The following CECR2 variants were observed in gnomAD, a reference collection of about 807,000 sequenced individuals.
CECR2 encodes the protein chromatin remodeling regulator CECR2.
A neutral mutation model predicts 154.5 loss-of-function variants in CECR2; 30 were observed. The observed-to-expected ratio is 0.19, with a 90% CI of 0.15 to 0.26. The LOEUF (loss-of-function observed/expected upper bound fraction) is 0.26, where lower values mean the gene tolerates loss of function less well. Ranked by LOEUF, CECR2 falls within the 10% of genes least tolerant of loss-of-function variation. The pLI is 1.00. For synonymous variants in CECR2, 725 were observed against 683.7 expected (o/e 1.06, Z -0.94); for missense variants, 1,743 against 1,829.3 (o/e 0.95, Z 0.86).
At chr22:17,490,591 C>T (rs1473378403) in intron 2 of CECR2, among the ~76,000 whole-genome samples, 4 of 151,808 alleles carry the variant, frequency 2.6e-5, no homozygotes, top group Non-Finnish European at 5.9e-5. Flanking sequence ...CATGCCACCA[C>T]GCCCGGCTAA....
chr22:17,398,549 G>C (rs78905396), intron 1 of CECR2, among the ~76,000 whole-genome samples: 4 of 152,340 alleles, frequency 2.6e-5, no homozygotes, highest in Middle Eastern at 3.4e-3. Flanking sequence ...GAAGAATGCA[G>C]ATTCTGGAGC....
intron 1 of CECR2, among the ~76,000 whole-genome samples, chr22:17,384,921 T>A (rs1427927658): frequency 6.6e-6 from 1 of 152,252 alleles, no homozygotes; most frequent in Non-Finnish European, 1.5e-5. Context: ...TAGCTAGATC[T>A]TCTGGATAAC....
At position 17,540,547 on chromosome 22, in the gene CECR2, G is replaced by A. The variant is rs754907211; in HGVS notation, c.1631G>A (p.Arg544Gln). 44 of 1,612,576 alleles carry A rather than the reference G, an allele frequency of 2.7e-5. No individual in the cohort carries two copies. The highest frequency in any genetic ancestry group is 3.6e-5 in the Non-Finnish European group (42 of 1,179,074). Residue 544 changes from arginine to glutamine, a missense_variant, in exon 14 of 19, where the codon CGG becomes CAG. Arg to Gln is a conservative substitution (Grantham distance 43). This residue lies in a region of CECR2 where 103 missense variants were observed against 166.8 expected (regional missense o/e 0.62). Coordinates refer to ENST00000262608, the MANE Select transcript of CECR2 (RefSeq NM_001290047.2). Reference sequence around the variant, plus strand: ...GAAAAGCGGGAGAAAAGACGGAGTCGGGCTGGGCGAAGTGGTGGGAGCCAT... The same window carrying A: ...GAAAAGCGGGAGAAAAGACGGAGTCAGGCTGGGCGAAGTGGTGGGAGCCAT... ...EDEKREKRRS[R>Q]AGRSGGSHVW...
chr22:17,501,450 C>T (rs1294292766), intron 5 of CECR2, among the ~76,000 whole-genome samples: 1 of 151,778 alleles, frequency 6.6e-6, no homozygotes, highest in Non-Finnish European at 1.5e-5. Context: ...CCCAGCTACT[C>T]GGGAGGCTGA....
chr22:17,500,593 C>T (rs1353495803), intron 4 of CECR2, 38 bp from the exon 5 acceptor site: 4 of 1,398,516 alleles, frequency 2.9e-6, no homozygotes, highest in Non-Finnish European at 3.9e-6. Flanking sequence ...CAATGCCAAT[C>T]CTGTGCCAGA....
chr22:17,511,749 A>G, intron 7 of CECR2, 64 bp from the exon 8 acceptor site: 1 of 1,373,894 alleles, frequency 7.3e-7, no homozygotes, highest in Non-Finnish European at 1.0e-6. Context: ...CAGCAGCAGC[A>G]GCATCAGTAG....
intron 1 of CECR2, among the ~76,000 whole-genome samples, chr22:17,397,196 G>A (rs2053824512): frequency 6.6e-6 from 1 of 152,004 alleles, no homozygotes; most frequent in Non-Finnish European, 1.5e-5. Flanking sequence ...GGTTGCAGTG[G>A]CGTGATCTCA....
chr22:17,501,385 C>T (rs531079521), intron 5 of CECR2, among the ~76,000 whole-genome samples: 27 of 152,104 alleles, frequency 1.8e-4, no homozygotes, highest in Non-Finnish European at 2.8e-4. Flanking sequence ...GGTGAAACCC[C>T]GTCTCTACTA....
intron 1 of CECR2, among the ~76,000 whole-genome samples, chr22:17,475,491 G>A (rs1186624295): frequency 1.3e-5 from 2 of 152,066 alleles, no homozygotes; most frequent in Non-Finnish European, 2.9e-5. Flanking sequence ...ACAGGGTCTT[G>A]CTGTGTGGCC....
chr22:17,513,430 G>C (rs1002439279), intron 8 of CECR2, among the ~76,000 whole-genome samples: 2 of 152,172 alleles, frequency 1.3e-5, no homozygotes, highest in Non-Finnish European at 2.9e-5. Flanking sequence ...GTGACGACAC[G>C]ATGTTCTATT....
In CECR2 at chr22:17,419,510, GGAAGAA is replaced by G. The variant is rs374747773; in HGVS notation, c.126+49616_126+49621del. 1,611 of 165,100 alleles carry G rather than the reference GGAAGAA, an allele frequency of 9.8e-3. 13 individuals carry two copies. Among genetic ancestry groups the G allele is most frequent in the African/African-American group, 0.043 (863 of 20,066 alleles). The allele number at this position is 165,100 out of a possible 1,614,324, so 10.2% of individuals were successfully genotyped here. A position where few individuals can be genotyped will look rare whatever the true frequency, so the allele number is the denominator to read the frequency against. ...AGCCTCATCAGGAAGAGGAAGAGGAGGAAGAAGAAGAAGAAGAAGAGGAAGAGGAAG... is the reference window on the plus strand; with the variant it reads ...AGCCTCATCAGGAAGAGGAAGAGGAGGAAGAAGAAGAAGAGGAAGAGGAAG... On this transcript the variant is annotated intron_variant, in intron 1 of 18. Transcript: ENST00000262608.
At chr22:17,467,011 C>T (rs968093068) in intron 1 of CECR2, among the ~76,000 whole-genome samples, 3 of 152,146 alleles carry the variant, frequency 2.0e-5, no homozygotes, top group African/African-American at 7.2e-5. Context: ...TTAGCAGCCA[C>T]AGAAACATCG....
chr22:17,542,988 C>G lies in CECR2; in HGVS notation c.2845C>G (p.Pro949Ala), dbSNP rs1452511860. The G allele has an allele frequency of 1.2e-6, 2 of 1,607,236 alleles. No individual in the cohort carries two copies. Among genetic ancestry groups the G allele is most frequent in the African/African-American group, 2.7e-5 (2 of 74,742 alleles). ...ACCGGAGAACAGTGAAGCACAAGAG[C>G]CTGAGAATGACCAAGGTAATTTACA... Reference protein sequence around the residue: ...RAPENSEAQEPENDQAEPLPG... With the variant: ...RAPENSEAQEAENDQAEPLPG... Residue 949 changes from proline to alanine, a missense_variant, in exon 16 of 19, where the codon CCT (proline) becomes GCT (alanine). Coordinates refer to ENST00000262608, the MANE Select transcript of CECR2 (RefSeq NM_001290047.2).
chr22:17,499,877 A>T (rs1186577989), intron 4 of CECR2, among the ~76,000 whole-genome samples: 1 of 152,196 alleles, frequency 6.6e-6, no homozygotes, highest in Non-Finnish European at 1.5e-5. Flanking sequence ...TTCATCTTGC[A>T]TCATCAGTCC....
chr22:17,449,301 A>G (rs2054728402), intron 1 of CECR2, among the ~76,000 whole-genome samples: 1 of 151,610 alleles, frequency 6.6e-6, no homozygotes, highest in African/African-American at 2.4e-5. Flanking sequence ...TATACTTCTT[A>G]CTGGATGCTG....
At chr22:17,418,661 C>G (rs531481336) in intron 1 of CECR2, 26 of 325,332 alleles carry the variant, frequency 8.0e-5, no homozygotes, top group Non-Finnish European at 1.2e-4. Flanking sequence ...GCCAGACACT[C>G]GCGAGGGGCA....
At chr22:17,438,188 C>T (rs1275028053) in intron 1 of CECR2, among the ~76,000 whole-genome samples, 1 of 152,004 alleles carries the variant, frequency 6.6e-6, no homozygotes, top group Admixed American at 6.6e-5. Context: ...ACAAAAATGC[C>T]CCAGATGACA....
In CECR2 at chr22:17,421,351, C is replaced by T. The variant is rs186946465; in HGVS notation, c.126+51442C>T. Among the ~76,000 whole-genome samples, 57 of 152,112 alleles carry T rather than the reference C, an allele frequency of 3.7e-4. No homozygotes were observed. In the East Asian group the frequency reaches 9.5e-3, roughly 25 times the overall value. On this transcript the variant is annotated intron_variant, in intron 1 of 18. Transcript: ENST00000262608. ...CCAGGCAAGGCCGGGCGCGGTGGCTCATGCCTGTAATCCCAGCACTTTGGG... is the reference window on the plus strand; with the variant it reads ...CCAGGCAAGGCCGGGCGCGGTGGCTTATGCCTGTAATCCCAGCACTTTGGG...
chr22:17,480,493 C>T (rs1018428432), intron 2 of CECR2, among the ~76,000 whole-genome samples: 5 of 150,960 alleles, frequency 3.3e-5, no homozygotes, highest in Admixed American at 2.0e-4. Flanking sequence ...TTCTAAAGCT[C>T]AATGAATTTT....
Sources: gnomAD v4.1 joint callset for allele counts (sites outside exome capture counted in the v4.1 genomes callset) on GRCh38, gnomAD v4.1.1 for gene constraint, gnomAD v4.1.1 regional missense constraint, MANE v1.5 for transcripts, NCBI Gene and HGNC (gene_info 2026-07-23, HGNC 2026-07-21) for gene names.